SH3RF3: variants seen among roughly 807,000 people sequenced by gnomAD.
The protein encoded by SH3RF3 is E3 ubiquitin-protein ligase SH3RF3.
SH3RF3 carries 29 observed loss-of-function variants against 66.3 expected under a neutral mutation model. That is an observed-to-expected ratio of 0.44 (90% CI 0.33 to 0.60). SH3RF3 has a LOEUF of 0.60. Among genes scored for constraint, SH3RF3 ranks in the 20% least tolerant of loss-of-function variants. The pLI is 0.04. For synonymous variants in SH3RF3, 583 were observed against 532.0 expected (o/e 1.10, Z -1.32); for missense variants, 1,194 against 1,190.9 (o/e 1.00, Z -0.04).
intron 1 of SH3RF3, among the ~76,000 whole-genome samples, chr2:109,290,362 G>A (rs1681135162): frequency 6.6e-6 from 1 of 152,336 alleles, no homozygotes; most frequent in South Asian, 2.1e-4. Flanking sequence ...AGAGAAATTA[G>A]TGTGATCAGG....
chr2:109,467,119 C>T (rs11680752), intron 8 of SH3RF3, among the ~76,000 whole-genome samples: 71,790 of 152,162 alleles, frequency 0.47, 18,481 homozygotes, highest in Non-Finnish European at 0.56. Flanking sequence ...AACATGCCAC[C>T]TGTCACTCAG....
chr2:109,390,187 A>G (rs1232147576), intron 3 of SH3RF3, among the ~76,000 whole-genome samples: 1 of 152,224 alleles, frequency 6.6e-6, no homozygotes, highest in African/African-American at 2.4e-5. Flanking sequence ...CCCTTGTGGC[A>G]GTTCTTGGAG....
intron 3 of SH3RF3, among the ~76,000 whole-genome samples, chr2:109,383,101 G>A (rs1441429969): frequency 2.0e-5 from 3 of 152,180 alleles, no homozygotes; most frequent in African/African-American, 7.2e-5. Flanking sequence ...CCCTGGCTCC[G>A]AGGCACTTGT....
intron 1 of SH3RF3, among the ~76,000 whole-genome samples, chr2:109,130,661 G>A (rs1248469844): frequency 6.6e-6 from 1 of 152,174 alleles, no homozygotes; most frequent in African/African-American, 2.4e-5. Flanking sequence ...GAGGCCCCAG[G>A]AGCCTTTTGA....
intron 3 of SH3RF3, among the ~76,000 whole-genome samples, chr2:109,381,251 C>T (rs956459266): frequency 1.3e-5 from 2 of 152,222 alleles, no homozygotes; most frequent in South Asian, 2.1e-4. Flanking sequence ...GGCCTGCAGC[C>T]GGTGGAAGTA....
At chr2:109,197,337 G>C (rs1398348091) in intron 1 of SH3RF3, among the ~76,000 whole-genome samples, 1 of 149,318 alleles carries the variant, frequency 6.7e-6, no homozygotes, top group Non-Finnish European at 1.5e-5. Flanking sequence ...GAGGGGTTAA[G>C]AAGGGAAGGG....
intron 8 of SH3RF3, among the ~76,000 whole-genome samples, chr2:109,471,206 C>CAAAAAAAAAAAAAAA (rs61224177): frequency 2.5e-5 from 1 of 40,144 alleles, no homozygotes; most frequent in Non-Finnish European, 6.5e-5. Context: ...GACTCTGTCT[C>CAAAAAAAAAAAAAAA]AAAAAAAAAA....
At chr2:109,330,234 G>A (rs1303873393) in intron 1 of SH3RF3, among the ~76,000 whole-genome samples, 1 of 152,174 alleles carries the variant, frequency 6.6e-6, no homozygotes, top group African/African-American at 2.4e-5. Flanking sequence ...CCAACTCTGT[G>A]GGTTGCAGAA....
Position 109,438,068 on chromosome 2 carries a change from T to C in SH3RF3, c.1828+922T>C, listed in dbSNP as rs537509337. Reference sequence around the variant, plus strand: ...GTAAATTCATGGAAGCAATAAAATATACTATTTCTTAGACTAACGAACACG... The same window carrying C: ...GTAAATTCATGGAAGCAATAAAATACACTATTTCTTAGACTAACGAACACG... On this transcript the variant is annotated intron_variant, in intron 7 of 9. Coordinates refer to ENST00000309415, the MANE Select transcript of SH3RF3 (RefSeq NM_001099289.3). Among the ~76,000 whole-genome samples, 5 of 152,356 alleles carry C rather than the reference T, an allele frequency of 3.3e-5. No individual in the cohort carries two copies. In the South Asian group the frequency reaches 1.0e-3, roughly 32 times the overall value.
chr2:109,360,122 AG>A (rs550302455), intron 2 of SH3RF3, among the ~76,000 whole-genome samples: 26 of 151,908 alleles, frequency 1.7e-4, no homozygotes, highest in Middle Eastern at 3.5e-3. Context: ...CATCATAGGT[AG>A]AGACTGAAAG....
intron 1 of SH3RF3, among the ~76,000 whole-genome samples, chr2:109,218,289 T>A (rs1488521868): frequency 6.6e-6 from 1 of 152,232 alleles, no homozygotes; most frequent in Non-Finnish European, 1.5e-5. Flanking sequence ...TTGGCTCTCT[T>A]GCCCCCGTTT....
chr2:109,268,064 C>A (rs1236843078), intron 1 of SH3RF3, among the ~76,000 whole-genome samples: 2 of 151,754 alleles, frequency 1.3e-5, no homozygotes, highest in Non-Finnish European at 1.5e-5. Flanking sequence ...CCAGACTGTC[C>A]CCTAATCCCA....
At chr2:109,164,435 C>T (rs1382831068) in intron 1 of SH3RF3, among the ~76,000 whole-genome samples, 1 of 152,192 alleles carries the variant, frequency 6.6e-6, no homozygotes, top group South Asian at 2.1e-4. Flanking sequence ...TCTCCTGCCT[C>T]AGCTTCCTGA....
intron 1 of SH3RF3, among the ~76,000 whole-genome samples, chr2:109,177,788 T>G (rs1190367908): frequency 6.6e-6 from 1 of 152,214 alleles, no homozygotes; most frequent in Non-Finnish European, 1.5e-5. Context: ...GTAAGAAATA[T>G]TAAAGCCTAT....
chr2:109,221,410 C>T (rs1679237548), intron 1 of SH3RF3, among the ~76,000 whole-genome samples: 1 of 152,090 alleles, frequency 6.6e-6, no homozygotes, highest in African/African-American at 2.4e-5. Context: ...TGGCAAAACC[C>T]TGTCTCTACT....
chr2:109,235,634 TG>T (rs1679628707), intron 1 of SH3RF3, among the ~76,000 whole-genome samples: 1 of 152,236 alleles, frequency 6.6e-6, no homozygotes, highest in Non-Finnish European at 1.5e-5. Context: ...GTTTTGCTTT[TG>T]CTGTTTTTTG....
At chr2:109,263,700 C>T (rs1680412266) in intron 1 of SH3RF3, among the ~76,000 whole-genome samples, 1 of 152,200 alleles carries the variant, frequency 6.6e-6, no homozygotes, top group Non-Finnish European at 1.5e-5. Flanking sequence ...GGTGCGGTGG[C>T]TCACGCCTGT....
intron 1 of SH3RF3, among the ~76,000 whole-genome samples, chr2:109,336,776 AT>A (rs1682432260): frequency 6.6e-6 from 1 of 152,214 alleles, no homozygotes; most frequent in South Asian, 2.1e-4. Flanking sequence ...TTGTAACTAA[AT>A]ATCTGGAGTT....
intron 1 of SH3RF3, among the ~76,000 whole-genome samples, chr2:109,173,596 G>A (rs1230567008): frequency 6.6e-6 from 1 of 151,860 alleles, no homozygotes; most frequent in East Asian, 2.0e-4. Flanking sequence ...CACAGACCCC[G>A]CAGCCTGCAG....
Sources: allele counts gnomAD v4.1 joint callset (sites outside exome capture counted in the v4.1 genomes callset), GRCh38; gene constraint gnomAD v4.1.1; transcripts MANE v1.5; gene names NCBI Gene and HGNC (gene_info 2026-07-23, HGNC 2026-07-21).